Variants in ATP2B1 observed in about 807,000 individuals in gnomAD.
ATP2B1 encodes ATPase plasma membrane Ca2+ transporting 1.
ATP2B1 carries 14 observed loss-of-function variants against 124.2 expected under a neutral mutation model. The observed-to-expected ratio is 0.11, with a 90% CI of 0.07 to 0.18. The LOEUF (loss-of-function observed/expected upper bound fraction) is 0.18, where lower values mean the gene tolerates loss of function less well. Among genes scored for constraint, ATP2B1 ranks in the 10% least tolerant of loss-of-function variants. The pLI is 1.00. For synonymous variants in ATP2B1, 449 were observed against 492.4 expected (o/e 0.91, Z 1.17); for missense variants, 763 against 1,466.1 (o/e 0.52, Z 7.83).
intron 1 of ATP2B1, among the ~76,000 whole-genome samples, chr12:89,661,239 C>A (rs142661319): frequency 6.6e-6 from 1 of 152,026 alleles, no homozygotes; most frequent in East Asian, 1.9e-4. Context: ...TAATATGATA[C>A]CTTAATCAGA....
intron 1 of ATP2B1, among the ~76,000 whole-genome samples, chr12:89,698,215 T>G (rs1891403636): frequency 6.6e-6 from 1 of 152,176 alleles, no homozygotes; most frequent in South Asian, 2.1e-4. Context: ...TACAACTCGA[T>G]AATAGGAAGA....
intron 1 of ATP2B1, among the ~76,000 whole-genome samples, chr12:89,662,451 A>G (rs141700490): frequency 6.6e-6 from 1 of 152,318 alleles, no homozygotes; most frequent in East Asian, 1.9e-4. Context: ...CATTCAAATT[A>G]TTTCATTAAA....
rs1879715692 is a variant in ATP2B1, at chr12:89,620,076, G to A, written c.1752C>T (p.Ser584=). The stretch of plus-strand genomic sequence containing the variant: ...CTGAATTTTTCAGGACAGTACTCAT[G>A]GACTTCCTAACAGAATTGAAGGTGT... ...KVYTFNSVRK[S]MSTVLKNSDG... The change falls in exon 11 of 21, where the codon TCC becomes TCT. Residue 584 remains serine (S), a synonymous_variant. Coordinates refer to ENST00000428670, the MANE Select transcript of ATP2B1 (RefSeq NM_001366521.1). 6.2e-7 allele frequency: 1 copy of A among 1,613,924 alleles called. No individual in the cohort carries two copies. Among genetic ancestry groups the A allele is most frequent in the South Asian group, 1.1e-5 (1 of 91,082 alleles).
chr12:89,661,675 T>TA (rs1011169508), intron 1 of ATP2B1, among the ~76,000 whole-genome samples: 2 of 152,158 alleles, frequency 1.3e-5, no homozygotes, highest in African/African-American at 4.8e-5. Context: ...AACAAAGAAC[T>TA]AAAAAATAAT....
chr12:89,666,610 T>C (rs1887343871), intron 1 of ATP2B1, among the ~76,000 whole-genome samples: 1 of 152,206 alleles, frequency 6.6e-6, no homozygotes. Context: ...CACTTGCTCT[T>C]TATCCTCCTA....
chr12:89,629,583 A>G (rs887135529), intron 6 of ATP2B1, among the ~76,000 whole-genome samples: 1 of 152,222 alleles, frequency 6.6e-6, no homozygotes, highest in Non-Finnish European at 1.5e-5. Context: ...CAAAACTCAA[A>G]GAACAAAACA....
intron 1 of ATP2B1, among the ~76,000 whole-genome samples, chr12:89,698,771 G>A (rs1382620678): frequency 1.3e-5 from 2 of 152,162 alleles, no homozygotes; most frequent in Admixed American, 6.5e-5. Flanking sequence ...GCCAATGTCC[G>A]ATTCTTGAGG....
Position 89,690,581 on chromosome 12 carries a change from A to T in ATP2B1, c.-222+18015T>A, listed in dbSNP as rs557314681. 5.6e-3 allele frequency among the ~76,000 whole-genome samples: 816 copies of T among 145,222 alleles called. 6 individuals carry two copies. Among genetic ancestry groups the T allele is most frequent in the African/African-American group, 9.8e-3 (391 of 39,982 alleles). On this transcript the variant is annotated intron_variant, in intron 1 of 20. Coordinates refer to ENST00000428670, the MANE Select transcript of ATP2B1 (RefSeq NM_001366521.1). ...TGAATTAAACAGTTTTGCTTTTTTTAAAAAAAAAAAACTAATAAACACGTA... is the reference window on the plus strand; with the variant it reads ...TGAATTAAACAGTTTTGCTTTTTTTTAAAAAAAAAAACTAATAAACACGTA...
chr12:89,691,204 A>G (rs970752829), intron 1 of ATP2B1, among the ~76,000 whole-genome samples: 5 of 152,104 alleles, frequency 3.3e-5, no homozygotes, highest in Non-Finnish European at 7.4e-5. Flanking sequence ...CATCCTATTT[A>G]GAGGGCTATT....
rs1021372970 is a variant in ATP2B1 at position 89,619,895 on chromosome 12, A to G, written c.1829+104T>C. 2.1e-6 allele frequency: 3 copies of G among 1,446,822 alleles called. No individual in the cohort carries two copies. In the South Asian group the frequency reaches 4.2e-5, roughly 20 times the overall value. 89.6% of individuals were successfully genotyped at this position (1,446,822 alleles called of 1,614,324 possible). A position where few individuals can be genotyped will look rare whatever the true frequency, so the allele number is the denominator to read the frequency against. ...TGCTAAAAAACTCTGAGGTCCTATCAAATGCCTGATGTTCACAAAAAGACA... is the reference window on the plus strand; with the variant it reads ...TGCTAAAAAACTCTGAGGTCCTATCGAATGCCTGATGTTCACAAAAAGACA... On this transcript the variant is annotated intron_variant, in intron 11 of 20. Coordinates refer to ENST00000428670, the MANE Select transcript of ATP2B1 (RefSeq NM_001366521.1).
intron 2 of ATP2B1, among the ~76,000 whole-genome samples, chr12:89,643,091 C>T (rs141196485): frequency 0.065 from 9,538 of 146,780 alleles, 403 homozygotes; most frequent in Admixed American, 0.1. Context: ...CACACACACA[C>T]ATATATACAT....
At position 89,604,377 on chromosome 12, in the gene ATP2B1, A is replaced by T. The variant is rs769014036; in HGVS notation, c.2443-31T>A. 2.6e-6 allele frequency: 4 copies of T among 1,537,942 alleles called. No individual in the cohort carries two copies. In the African/African-American group the frequency reaches 5.6e-5, roughly 21 times the overall value. On this transcript the variant is annotated intron_variant, in intron 15 of 20. Transcript: ENST00000428670. ...AAAAAAAATTTTGTGAATTAGACTA[A>T]ATGTTTTAAGTATAACTTTCAAATA...
intron 1 of ATP2B1, among the ~76,000 whole-genome samples, chr12:89,706,628 G>C (rs1218652821): frequency 6.6e-6 from 1 of 152,038 alleles, no homozygotes; most frequent in Admixed American, 6.5e-5. Context: ...TCTCAAAAGA[G>C]AAATGAGAGA....
chr12:89,593,588 A>T (rs537523046), intron 20 of ATP2B1: 1 of 152,236 alleles, frequency 6.6e-6, no homozygotes, highest in East Asian at 1.9e-4. Context: ...GAAAATATCT[A>T]GAGCTCAGAA....
At chr12:89,650,711 T>C (rs1265277774) in intron 2 of ATP2B1, among the ~76,000 whole-genome samples, 1 of 152,212 alleles carries the variant, frequency 6.6e-6, no homozygotes, top group African/African-American at 2.4e-5. Context: ...CCTTTTTTAA[T>C]GTAGAACTCT....
At chr12:89,592,695 T>C (rs1400722640) in intron 20 of ATP2B1, among the ~76,000 whole-genome samples, 1 of 152,082 alleles carries the variant, frequency 6.6e-6, no homozygotes, top group African/African-American at 2.4e-5. Context: ...TCTTCAACTA[T>C]AAAATGGGAA....
chr12:89,698,257 C>T (rs1891407407), intron 1 of ATP2B1, among the ~76,000 whole-genome samples: 1 of 152,184 alleles, frequency 6.6e-6, no homozygotes, highest in Non-Finnish European at 1.5e-5. Context: ...AAATGTCCAT[C>T]AACAGGCGAA....
chr12:89,690,043 G>A lies in ATP2B1; in HGVS notation c.-222+18553C>T, dbSNP rs181397141. 7.5e-3 allele frequency among the ~76,000 whole-genome samples: 1,145 copies of A among 152,104 alleles called. 12 individuals carry two copies. The highest frequency in any genetic ancestry group is 0.025 in the African/African-American group (1,034 of 41,508). On this transcript the variant is annotated intron_variant, in intron 1 of 20. Transcript: ENST00000428670. The stretch of plus-strand genomic sequence containing the variant: ...CAGAAACCCCAGTTATGAACTTTCT[G>A]TATGCTAGGATTCTTTGTGGTAAGC...
At chr12:89,683,806 A>G (rs1288706003) in intron 1 of ATP2B1, among the ~76,000 whole-genome samples, 2 of 152,202 alleles carry the variant, frequency 1.3e-5, no homozygotes, top group African/African-American at 4.8e-5. Flanking sequence ...TAATAAAACT[A>G]TATATTAATT....
Sources: allele counts gnomAD v4.1 joint callset (sites outside exome capture counted in the v4.1 genomes callset), GRCh38; gene constraint gnomAD v4.1.1; transcripts MANE v1.5; gene names NCBI Gene and HGNC (gene_info 2026-07-23, HGNC 2026-07-21).